SLIT2: variants seen among roughly 807,000 people sequenced by gnomAD.
SLIT2 encodes the protein slit homolog 2 protein.
SLIT2 carries 41 observed loss-of-function variants against 185.7 expected under a neutral mutation model. The ratio of observed to expected loss-of-function variants is 0.22; its 90% CI spans 0.17 to 0.29. The LOEUF is 0.29. SLIT2 is among the 10% of genes least tolerant of loss of function. The pLI is 1.00. For missense variants in SLIT2, 1,571 were observed against 1,909.0 expected, an observed-to-expected ratio of 0.82 and a Z score of 3.30; for synonymous variants, 693 against 680.2, an observed-to-expected ratio of 1.02 and a Z score of -0.29.
chr4:20,492,928 C>A (rs1717905051), intron 9 of SLIT2, among the ~76,000 whole-genome samples: 1 of 152,072 alleles, frequency 6.6e-6, no homozygotes, highest in Non-Finnish European at 1.5e-5. Flanking sequence ...TAGAGCTTTG[C>A]AGTATAAGAC....
Position 20,253,649 on chromosome 4 carries a change from TGAG to T in SLIT2, c.-166_-164del. ...GAGAGGGCGGTGGGAGGCGTGTGCC[TGAG>T]TGGGCTCTACTGCCTTGTTCCATAT... On this transcript the variant is annotated 5_prime_UTR_variant, in exon 1 of 37. Coordinates refer to ENST00000504154, the MANE Select transcript of SLIT2 (RefSeq NM_004787.4). 2.7e-6 allele frequency: 2 copies of T among 733,494 alleles called. No individual in the cohort carries two copies. Among genetic ancestry groups the T allele is most frequent in the Non-Finnish European group, 2.2e-6 (1 of 456,176 alleles). The allele number at this position is 733,494 out of a possible 1,614,324, so 45.4% of individuals were successfully genotyped here. A position where few individuals can be genotyped will look rare whatever the true frequency, so the allele number is the denominator to read the frequency against.
chr4:20,566,377 C>T (rs1303166574), intron 26 of SLIT2, among the ~76,000 whole-genome samples: 2 of 152,036 alleles, frequency 1.3e-5, no homozygotes, highest in East Asian at 3.9e-4. Flanking sequence ...GTGGTGAGCT[C>T]TCACACAGAA....
At chr4:20,475,397 T>C (rs1244467944) in intron 5 of SLIT2, among the ~76,000 whole-genome samples, 2 of 151,914 alleles carry the variant, frequency 1.3e-5, no homozygotes, top group Non-Finnish European at 2.9e-5. Flanking sequence ...ATAGTGCTTT[T>C]CATCTGCTGG....
intron 12 of SLIT2, among the ~76,000 whole-genome samples, chr4:20,523,289 T>C (rs1560499336): frequency 1.3e-5 from 2 of 152,074 alleles, no homozygotes; most frequent in Non-Finnish European, 2.9e-5. Context: ...TCAGAGCCAA[T>C]TGGGAGCTGT....
At chr4:20,568,463 A>G (rs897463318) in intron 28 of SLIT2, among the ~76,000 whole-genome samples, 1 of 151,980 alleles carries the variant, frequency 6.6e-6, no homozygotes, top group Non-Finnish European at 1.5e-5. Flanking sequence ...AGATATTGCA[A>G]TTTTAAAGAT....
At chr4:20,603,329 G>A (rs1008214298) in intron 33 of SLIT2, among the ~76,000 whole-genome samples, 6 of 152,080 alleles carry the variant, frequency 3.9e-5, no homozygotes, top group African/African-American at 7.2e-5. Flanking sequence ...CCCATAACAC[G>A]GGGAATTATG....
At chr4:20,530,938 A>T (rs1453052066) in intron 16 of SLIT2, among the ~76,000 whole-genome samples, 1 of 151,830 alleles carries the variant, frequency 6.6e-6, no homozygotes, top group Non-Finnish European at 1.5e-5. Context: ...ACAATGAGAT[A>T]CCATTTTAGA....
chr4:20,255,693 G>C (rs1450656109), intron 1 of SLIT2, among the ~76,000 whole-genome samples: 1 of 152,112 alleles, frequency 6.6e-6, no homozygotes, highest in Non-Finnish European at 1.5e-5. Flanking sequence ...AGGGGGGAGC[G>C]TAGCAATTGA....
At chr4:20,458,861 A>G (rs1419932814) in intron 4 of SLIT2, among the ~76,000 whole-genome samples, 13 of 152,224 alleles carry the variant, frequency 8.5e-5, no homozygotes, top group African/African-American at 2.9e-4. Context: ...GGTTATAGAA[A>G]CAATACAATG....
chr4:20,546,173 T>A, intron 22 of SLIT2, 74 bp downstream of exon 22: 1 of 762,788 alleles, frequency 1.3e-6, no homozygotes, highest in Non-Finnish European at 2.2e-6. Flanking sequence ...ACAGAAGATT[T>A]AGTGAACCTT....
At chr4:20,399,185 C>G (rs1425964688) in intron 4 of SLIT2, among the ~76,000 whole-genome samples, 1 of 151,342 alleles carries the variant, frequency 6.6e-6, no homozygotes, top group Non-Finnish European at 1.5e-5. Flanking sequence ...GTAAGTAAAA[C>G]TTTATTCTTT....
chr4:20,272,802 C>T (rs1270803130), intron 4 of SLIT2, among the ~76,000 whole-genome samples: 1 of 152,026 alleles, frequency 6.6e-6, no homozygotes, highest in Non-Finnish European at 1.5e-5. Context: ...GTCCCAGGGA[C>T]TCATTTTCTC....
chr4:20,531,427 A>T (rs550111804), intron 16 of SLIT2, among the ~76,000 whole-genome samples: 1 of 152,200 alleles, frequency 6.6e-6, no homozygotes, highest in Non-Finnish European at 1.5e-5. Flanking sequence ...AAATTAGTAA[A>T]AGCAAAAAGT....
At chr4:20,545,896 G>T (rs1723205058) in intron 21 of SLIT2, 135 bp from the exon 22 acceptor site, 3 of 437,482 alleles carry the variant, frequency 6.9e-6, no homozygotes, top group South Asian at 1.2e-4. Context: ...AATAATCCAT[G>T]CTTGGAACAC....
intron 33 of SLIT2, among the ~76,000 whole-genome samples, chr4:20,604,199 A>AT (rs1197138239): frequency 3.3e-5 from 5 of 152,224 alleles, no homozygotes; most frequent in African/African-American, 1.2e-4. Flanking sequence ...ATAGCCTGAC[A>AT]TCTCACTGTA....
At chr4:20,291,107 A>T (rs1490913770) in intron 4 of SLIT2, among the ~76,000 whole-genome samples, 1 of 151,904 alleles carries the variant, frequency 6.6e-6, no homozygotes, top group African/African-American at 2.4e-5. Context: ...TTAGTTCGAT[A>T]TGTTTGCCCA....
intron 4 of SLIT2, among the ~76,000 whole-genome samples, chr4:20,442,137 T>C (rs1484706567): frequency 6.6e-6 from 1 of 151,840 alleles, no homozygotes; most frequent in Non-Finnish European, 1.5e-5. Context: ...TCTCCACCAA[T>C]GGAGAACAGA....
intron 4 of SLIT2, among the ~76,000 whole-genome samples, chr4:20,326,746 C>CT (rs59509608): frequency 0.49 from 27,068 of 54,688 alleles, 8,011 homozygotes; most frequent in South Asian, 0.64. Flanking sequence ...ATTCTGAAAC[C>CT]TTTTTTTTTT....
intron 5 of SLIT2, among the ~76,000 whole-genome samples, chr4:20,474,645 A>T (rs1489435936): frequency 6.6e-6 from 1 of 152,072 alleles, no homozygotes; most frequent in African/African-American, 2.4e-5. Context: ...GTGTCTTCTT[A>T]TGATACAGAA....
Sources: gnomAD v4.1 joint callset for allele counts (sites outside exome capture counted in the v4.1 genomes callset) on GRCh38, gnomAD v4.1.1 for gene constraint, MANE v1.5 for transcripts, NCBI Gene and HGNC (gene_info 2026-07-23, HGNC 2026-07-21) for gene names.